GALNT10: variants seen among roughly 807,000 people sequenced by gnomAD.
GALNT10 encodes polypeptide N-acetylgalactosaminyltransferase 10.
A neutral mutation model predicts 75.0 loss-of-function variants in GALNT10; 41 were observed. The observed-to-expected ratio is 0.55, with a 90% CI of 0.43 to 0.71. The LOEUF (loss-of-function observed/expected upper bound fraction) is 0.71, where lower values mean the gene tolerates loss of function less well. GALNT10 is among the 30% of genes least tolerant of loss of function. The probability of loss-of-function intolerance (pLI) is 0.00; values close to 1 mark genes in which losing one functional copy is unlikely to be tolerated. For missense variants in GALNT10, 727 were observed against 818.5 expected (o/e 0.89, Z 1.36); for synonymous variants, 302 against 313.0 (o/e 0.96, Z 0.37).
intron 4 of GALNT10, among the ~76,000 whole-genome samples, chr5:154,354,374 T>C (rs1755257505): frequency 6.6e-6 from 1 of 152,178 alleles, no homozygotes; most frequent in Non-Finnish European, 1.5e-5. Flanking sequence ...TGCAGCTTTC[T>C]CTTCACAGTA....
At chr5:154,347,147 G>C in intron 4 of GALNT10, 1 of 514,282 alleles carries the variant, frequency 1.9e-6, no homozygotes, top group Non-Finnish European at 4.0e-6. Context: ...TGATCTCACC[G>C]AGTCCTGTGA....
intron 1 of GALNT10, among the ~76,000 whole-genome samples, chr5:154,271,808 G>T (rs1360354403): frequency 1.3e-5 from 2 of 152,206 alleles, no homozygotes; most frequent in Admixed American, 1.3e-4. Flanking sequence ...TCATCCAATA[G>T]AGTGTTTCTT....
In GALNT10 at chr5:154,379,771, C is replaced by T. The variant is rs558154794; in HGVS notation, c.755-677C>T. On this transcript the variant is annotated intron_variant, in intron 5 of 11. Coordinates refer to ENST00000297107, the MANE Select transcript of GALNT10 (RefSeq NM_198321.4). ...TTTGGAATCACCCAGCCTATGGCAT[C>T]CCTGCAGGGTGTTGGTCCACCAGGC... is the stretch of plus-strand genomic sequence containing the variant. 2.0e-5 allele frequency among the ~76,000 whole-genome samples: 3 copies of T among 152,338 alleles called. No homozygotes were observed. In the East Asian group the frequency reaches 5.8e-4, roughly 29 times the overall value.
intron 7 of GALNT10, among the ~76,000 whole-genome samples, chr5:154,398,629 A>G (rs1338730570): frequency 6.6e-6 from 1 of 152,200 alleles, no homozygotes; most frequent in African/African-American, 2.4e-5. Context: ...CAGCCCCTGA[A>G]CTAATCAAGA....
intron 4 of GALNT10, chr5:154,356,282 A>G (rs1303885759): frequency 4.5e-6 from 2 of 444,838 alleles, no homozygotes; most frequent in Non-Finnish European, 9.0e-6. Flanking sequence ...TCCCATCTGC[A>G]TGTGAGAGGA....
chr5:154,290,258 ATTTTTTT>A (rs71577131), intron 1 of GALNT10, among the ~76,000 whole-genome samples: 3,696 of 98,896 alleles, frequency 0.037, 99 homozygotes, highest in African/African-American at 0.12. Flanking sequence ...CACTCAGCTA[ATTTTTTT>A]TTTTTTTTTT....
intron 4 of GALNT10, among the ~76,000 whole-genome samples, chr5:154,373,268 G>C (rs536556651): frequency 6.6e-6 from 1 of 152,316 alleles, no homozygotes; most frequent in South Asian, 2.1e-4. Flanking sequence ...TCTGAGCTAG[G>C]TTATAATCAT....
At chr5:154,321,264 G>A (rs1452869669) in intron 3 of GALNT10, among the ~76,000 whole-genome samples, 2 of 146,228 alleles carry the variant, frequency 1.4e-5, no homozygotes, top group African/African-American at 5.6e-5. Context: ...AAGAGACTTT[G>A]TTGTTACATG....
At chr5:154,239,358 GACTACCTTTCAGGA>G (rs1017402016) in intron 1 of GALNT10, among the ~76,000 whole-genome samples, 31 of 152,306 alleles carry the variant, frequency 2.0e-4, no homozygotes, top group African/African-American at 7.5e-4. Context: ...CCAGGCCACG[GACTACCTTTCAGGA>G]ACTGGCTGGC....
chr5:154,294,704 C>G (rs115158424), intron 1 of GALNT10, 112 bp from the exon 2 acceptor site: 1 of 584,070 alleles, frequency 1.7e-6, no homozygotes, highest in Non-Finnish European at 3.1e-6. Context: ...ATAAAGGAAC[C>G]CAGGATGACA....
Position 154,419,136 on chromosome 5 carries a change from C to T in GALNT10, c.*2164C>T, listed in dbSNP as rs956188598. 3 of 151,540 alleles carry T rather than the reference C, an allele frequency of 2.0e-5. No homozygotes were observed. Among genetic ancestry groups the T allele is most frequent in the Admixed American group, 2.0e-4 (3 of 15,190 alleles). The allele number at this position is 151,540 out of a possible 1,614,324, so 9.4% of individuals were successfully genotyped here. ...GTTCCTACTGGATGAGTGTGTGTTTCTTAATGTCTCATTTCAAGCAGGAGA... is the reference window on the plus strand; with the variant it reads ...GTTCCTACTGGATGAGTGTGTGTTTTTTAATGTCTCATTTCAAGCAGGAGA... On this transcript the variant is annotated 3_prime_UTR_variant, in exon 12 of 12. Transcript: ENST00000297107.
chr5:154,286,981 G>T (rs996747994), intron 1 of GALNT10, among the ~76,000 whole-genome samples: 5 of 152,196 alleles, frequency 3.3e-5, no homozygotes, highest in African/African-American at 1.2e-4. Flanking sequence ...CTACTGAATA[G>T]GTGCTAGGGT....
intron 1 of GALNT10, among the ~76,000 whole-genome samples, chr5:154,288,226 C>T (rs555374999): frequency 1.3e-5 from 2 of 152,202 alleles, no homozygotes; most frequent in East Asian, 1.9e-4. Flanking sequence ...GTTTTGAAGA[C>T]ACTAGCCAGC....
Position 154,415,860 on chromosome 5 carries a change from T to G in GALNT10, c.1581T>G (p.Ile527Met). ...QHTKKFCFDA[I>M]SHTSPVTLYD... Reference sequence around the variant, plus strand: ...CCAAGAAGTTCTGCTTTGATGCCATTTCCCACACCAGCCCTGTCACGCTGT... The same window carrying G: ...CCAAGAAGTTCTGCTTTGATGCCATGTCCCACACCAGCCCTGTCACGCTGT... The change falls in exon 11 of 12, where the codon ATT (isoleucine) becomes ATG (methionine). Residue 527 changes from isoleucine (I) to methionine (M), a missense_variant. Transcript: ENST00000297107. 1 of 1,614,096 alleles carries G rather than the reference T, an allele frequency of 6.2e-7. No homozygotes were observed. Among genetic ancestry groups the G allele is most frequent in the Non-Finnish European group, 8.5e-7 (1 of 1,180,000 alleles).
At chr5:154,196,751 C>G (rs75582905) in intron 1 of GALNT10, among the ~76,000 whole-genome samples, 17,651 of 152,178 alleles carry the variant, frequency 0.12, 1,169 homozygotes, top group Non-Finnish European at 0.14. Flanking sequence ...AATGTGCTGT[C>G]TGAACCATTC....
intron 7 of GALNT10, 148 bp downstream of exon 7, chr5:154,386,578 C>A (rs950284334): frequency 5.5e-5 from 25 of 453,270 alleles, no homozygotes; most frequent in African/African-American, 4.4e-4. Context: ...AAGACAGGGG[C>A]TCATGGGCCA....
At chr5:154,219,202 AATGT>A (rs1254223614) in intron 1 of GALNT10, among the ~76,000 whole-genome samples, 2 of 152,188 alleles carry the variant, frequency 1.3e-5, no homozygotes, top group East Asian at 3.9e-4. Context: ...CCCAGGCCTT[AATGT>A]GCCAGTCTGG....
intron 3 of GALNT10, among the ~76,000 whole-genome samples, chr5:154,310,765 C>T (rs1431271601): frequency 2.0e-5 from 3 of 152,150 alleles, no homozygotes. Flanking sequence ...AGCCACCGTG[C>T]CTGGCCACAT....
chr5:154,400,847 G>T (rs541397869), intron 7 of GALNT10, among the ~76,000 whole-genome samples: 2 of 152,142 alleles, frequency 1.3e-5, no homozygotes, highest in African/African-American at 4.8e-5. Flanking sequence ...AGGGCTGCAC[G>T]GGGCTCTTGG....
Sources: gnomAD v4.1 joint callset for allele counts (sites outside exome capture counted in the v4.1 genomes callset) on GRCh38, gnomAD v4.1.1 for gene constraint, MANE v1.5 for transcripts, NCBI Gene and HGNC (gene_info 2026-07-23, HGNC 2026-07-21) for gene names.